Variants in REC114 observed in about 807,000 individuals in gnomAD.
The protein encoded by REC114 is meiotic recombination protein REC114.
Under a neutral mutation model 31.3 loss-of-function variants are expected in REC114, and 27 were observed. The ratio of observed to expected loss-of-function variants is 0.86; its 90% CI spans 0.64 to 1.19. The LOEUF (loss-of-function observed/expected upper bound fraction) is 1.19. REC114 is among the 50% of genes most tolerant of loss of function. REC114 has a pLI of 0.00. For synonymous variants in REC114, 134 were observed against 127.7 expected (o/e 1.05, Z -0.33); for missense variants, 344 against 326.9 (o/e 1.05, Z -0.40).
chr15:73,505,707 A>G (rs1161845500), intron 2 of REC114, among the ~76,000 whole-genome samples: 1 of 151,850 alleles, frequency 6.6e-6, no homozygotes, highest in Non-Finnish European at 1.5e-5. Context: ...AATTTTTTGT[A>G]TGTTTTAGTA....
chr15:73,467,081 T>C (rs926758906), intron 1 of REC114, among the ~76,000 whole-genome samples: 1 of 152,240 alleles, frequency 6.6e-6, no homozygotes, highest in African/African-American at 2.4e-5. Flanking sequence ...GGGGGTTAGC[T>C]GTAACTGGGA....
chr15:73,491,728 T>G (rs996809526), intron 2 of REC114, among the ~76,000 whole-genome samples: 8 of 152,154 alleles, frequency 5.3e-5, no homozygotes, highest in Non-Finnish European at 1.2e-4. Flanking sequence ...TGAAACCTTG[T>G]CTCTACAAAA....
chr15:73,515,505 C>A (rs899262208), intron 2 of REC114, among the ~76,000 whole-genome samples: 2 of 152,062 alleles, frequency 1.3e-5, no homozygotes, highest in Non-Finnish European at 2.9e-5. Context: ...TGCCCATATT[C>A]ATATGTTGAA....
At chr15:73,500,615 A>C (rs1442415441) in intron 2 of REC114, among the ~76,000 whole-genome samples, 2 of 152,124 alleles carry the variant, frequency 1.3e-5, no homozygotes, top group African/African-American at 4.8e-5. Context: ...GTGTGTATAA[A>C]ATTGTATCAA....
At chr15:73,487,228 A>G (rs763886652) in intron 2 of REC114, among the ~76,000 whole-genome samples, 1 of 152,224 alleles carries the variant, frequency 6.6e-6, no homozygotes, top group Non-Finnish European at 1.5e-5. Context: ...TTGTTCTCAC[A>G]TGCAGAATAT....
At chr15:73,447,743 C>CA (rs1179840396) in intron 1 of REC114, among the ~76,000 whole-genome samples, 3 of 152,186 alleles carry the variant, frequency 2.0e-5, no homozygotes, top group Non-Finnish European at 4.4e-5. Context: ...CAGCTCCCAG[C>CA]AAGATCAACA....
chr15:73,487,827 A>G (rs1893392194), intron 2 of REC114, among the ~76,000 whole-genome samples: 1 of 152,170 alleles, frequency 6.6e-6, no homozygotes, highest in Non-Finnish European at 1.5e-5. Context: ...TTCACTAGGC[A>G]TTGCCCTGGT....
rs1893315389 is a variant in REC114 at position 73,482,919 on chromosome 15, C to G, written c.249+8998C>G. 8.7e-5 allele frequency among the ~76,000 whole-genome samples: 13 copies of G among 150,184 alleles called. No individual in the cohort carries two copies. The South Asian group carries it at 2.5e-3, about 29-fold the overall frequency. ...ATTTTTTTTTTTTTTTGAGGAACTGCCATACTCATTTCCACAGGGGCTGTA... is the reference window on the plus strand; with the variant it reads ...ATTTTTTTTTTTTTTTGAGGAACTGGCATACTCATTTCCACAGGGGCTGTA... On this transcript the variant is annotated intron_variant, in intron 2 of 5. Coordinates refer to ENST00000331090, the MANE Select transcript of REC114 (RefSeq NM_001042367.2).
intron 2 of REC114, among the ~76,000 whole-genome samples, chr15:73,538,596 ACAGGCACCCGC>A (rs1396449634): frequency 3.3e-5 from 5 of 151,408 alleles, no homozygotes; most frequent in African/African-American, 1.2e-4. Flanking sequence ...AGCTGGGACT[ACAGGCACCCGC>A]CACCGCACCC....
intron 3 of REC114, among the ~76,000 whole-genome samples, chr15:73,545,841 T>TTG (rs1894301126): frequency 6.6e-6 from 1 of 152,176 alleles, no homozygotes; most frequent in East Asian, 1.9e-4. Flanking sequence ...TGTCAGAAAG[T>TTG]TAATTGCAGA....
chr15:73,551,023 TG>T lies in REC114; in HGVS notation c.421del (p.Ala141HisfsTer4). On this transcript the variant is annotated frameshift_variant, in exon 4 of 6. Coordinates refer to ENST00000331090, the MANE Select transcript of REC114 (RefSeq NM_001042367.2). LOFTEE classifies it high-confidence loss of function. The part of the protein sequence containing the change: ...LEHCCSCVQK[L>X]AQYITVQVPD... ...CACTGCTGCAGTTGTGTTCAGAAGC[TG>T]GCACAATACATAACCGTGCAGGTGC... 1 of 1,613,914 alleles carries T rather than the reference TG, an allele frequency of 6.2e-7. No homozygotes were observed. Among genetic ancestry groups the T allele is most frequent in the South Asian group, 1.1e-5 (1 of 91,082 alleles).
chr15:73,478,441 G>A lies in REC114; in HGVS notation c.249+4520G>A, dbSNP rs540268608. On this transcript the variant is annotated intron_variant, in intron 2 of 5. Coordinates refer to ENST00000331090, the MANE Select transcript of REC114 (RefSeq NM_001042367.2). Reference sequence around the variant, plus strand: ...CTATTTCTGGACTCTTTTTTGTTCTGTTGATCTATATGTCTATCCTTACTC... The same window carrying A: ...CTATTTCTGGACTCTTTTTTGTTCTATTGATCTATATGTCTATCCTTACTC... Among the ~76,000 whole-genome samples the A allele has an allele frequency of 5.9e-5, 9 of 151,830 alleles. No individual in the cohort carries two copies. The South Asian group carries it at 1.7e-3, about 28-fold the overall frequency.
At chr15:73,496,651 CAAAA>C in intron 2 of REC114, among the ~76,000 whole-genome samples, 1 of 84,686 alleles carries the variant, frequency 1.2e-5, no homozygotes, top group South Asian at 3.5e-4. Flanking sequence ...AGACTCCATC[CAAAA>C]AAAAAAAAAA....
chr15:73,536,663 T>G (rs960133053), intron 2 of REC114, among the ~76,000 whole-genome samples: 1 of 152,128 alleles, frequency 6.6e-6, no homozygotes, highest in Non-Finnish European at 1.5e-5. Context: ...TTATTGAAAT[T>G]TATGTATGGC....
At chr15:73,541,282 T>C (rs906464675) in intron 3 of REC114, among the ~76,000 whole-genome samples, 1 of 152,190 alleles carries the variant, frequency 6.6e-6, no homozygotes, top group Non-Finnish European at 1.5e-5. Flanking sequence ...CCACTATGAA[T>C]GTAAGGCCAG....
At chr15:73,520,546 G>A (rs1189846024) in intron 2 of REC114, among the ~76,000 whole-genome samples, 1 of 152,234 alleles carries the variant, frequency 6.6e-6, no homozygotes, top group South Asian at 2.1e-4. Context: ...TTCTTAATAA[G>A]GATTGGTGCA....
At chr15:73,445,367 A>G (rs1474574258) in intron 1 of REC114, among the ~76,000 whole-genome samples, 2 of 152,212 alleles carry the variant, frequency 1.3e-5, no homozygotes, top group East Asian at 1.9e-4. Context: ...TTGATCTTCT[A>G]TGCAGACCAT....
At chr15:73,468,387 T>C (rs1893089468) in intron 1 of REC114, among the ~76,000 whole-genome samples, 1 of 152,202 alleles carries the variant, frequency 6.6e-6, no homozygotes, top group South Asian at 2.1e-4. Context: ...TAGTTCTTCA[T>C]TAGTGTATGT....
intron 2 of REC114, among the ~76,000 whole-genome samples, chr15:73,493,578 G>A (rs938743150): frequency 9.2e-5 from 14 of 151,944 alleles, no homozygotes; most frequent in Non-Finnish European, 1.8e-4. Flanking sequence ...GCCTGAGGGT[G>A]GATTCATCTG....
Sources: gnomAD v4.1 joint callset for allele counts (sites outside exome capture counted in the v4.1 genomes callset) on GRCh38, gnomAD v4.1.1 for gene constraint, MANE v1.5 for transcripts, NCBI Gene and HGNC (gene_info 2026-07-23, HGNC 2026-07-21) for gene names.